PCDHGA4: variants seen among roughly 807,000 people sequenced by gnomAD.
PCDHGA4 encodes protocadherin gamma-A4.
PCDHGA4 carries 38 observed loss-of-function variants against 54.6 expected under a neutral mutation model. That is an observed-to-expected ratio of 0.70 (90% CI 0.54 to 0.91). The LOEUF (loss-of-function observed/expected upper bound fraction) is 0.91, where lower values mean the gene tolerates loss of function less well. Ranked by LOEUF, PCDHGA4 falls within the 40% of genes least tolerant of loss-of-function variation. The probability of loss-of-function intolerance (pLI) is 0.00; values close to 1 mark genes in which losing one functional copy is unlikely to be tolerated. For missense variants in PCDHGA4, 1,298 were observed against 1,220.9 expected (o/e 1.06, Z -0.94); for synonymous variants, 511 against 512.9 (o/e 1.00, Z 0.05).
At chr5:141,399,376 AC>A (rs1398817003) in intron 1 of PCDHGA4, 1 of 1,613,956 alleles carries the variant, frequency 6.2e-7, no homozygotes, top group Non-Finnish European at 8.5e-7. Flanking sequence ...GTACAATGTC[AC>A]CATCACAGCC....
intron 2 of PCDHGA4, among the ~76,000 whole-genome samples, chr5:141,504,859 C>T (rs1396681670): frequency 6.6e-6 from 1 of 152,090 alleles, no homozygotes; most frequent in African/African-American, 2.4e-5. Context: ...TCTTCCATTT[C>T]CCACCTTCAC....
intron 1 of PCDHGA4, chr5:141,441,857 ACGCCGC>A (rs2098279969): frequency 2.8e-6 from 1 of 352,664 alleles, no homozygotes; most frequent in Non-Finnish European, 5.6e-6. Flanking sequence ...ATGGTGCTGC[ACGCCGC>A]GGAGCCTGGC....
rs1554116873 is a variant in PCDHGA4 at position 141,423,758 on chromosome 5, G to GT, written c.2514+66137_2514+66138insT. On this transcript the variant is annotated intron_variant, in intron 1 of 3. Coordinates refer to ENST00000571252, the MANE Select transcript of PCDHGA4 (RefSeq NM_018917.4). Reference sequence around the variant, plus strand: ...CTGTTATGAAAACTGTTTGGGGGGGGGGTGGGGCGGCATATATTTAGTTCA... The same window carrying GT: ...CTGTTATGAAAACTGTTTGGGGGGGGTGGTGGGGCGGCATATATTTAGTTCA... 14 of 366,842 alleles carry GT rather than the reference G, an allele frequency of 3.8e-5. 1 individual carries two copies. The highest frequency in any genetic ancestry group is 5.4e-5 in the Non-Finnish European group (14 of 259,742). The allele number at this position is 366,842 out of a possible 1,614,324, so 22.7% of individuals were successfully genotyped here. A position where few individuals can be genotyped will look rare whatever the true frequency, so the allele number is the denominator to read the frequency against.
chr5:141,417,644 AG>A, intron 1 of PCDHGA4: 1 of 779,202 alleles, frequency 1.3e-6, no homozygotes, highest in South Asian at 2.1e-5. Flanking sequence ...GGGATCCCTC[AG>A]CCTCTAGCCT....
chr5:141,393,498 C>T lies in PCDHGA4; in HGVS notation c.2514+35877C>T, dbSNP rs780199451. The T allele has an allele frequency of 3.1e-6, 5 of 1,613,952 alleles. No homozygotes were observed. The highest frequency in any genetic ancestry group is 1.6e-4 in the Middle Eastern group (1 of 6,084). ...GCCTCGCTCTAGCACAGTGCGCATC[C>T]ACGTGACAGTGTTGGATACAAATGA... On this transcript the variant is annotated intron_variant, in intron 1 of 3. Transcript: ENST00000571252.
At chr5:141,398,893 C>G in intron 1 of PCDHGA4, 1 of 1,613,962 alleles carries the variant, frequency 6.2e-7, no homozygotes, top group Admixed American at 1.7e-5. Flanking sequence ...GGAAAACGTG[C>G]CACCAGGCAC....
intron 1 of PCDHGA4, chr5:141,389,172 C>T: frequency 3.1e-6 from 5 of 1,614,036 alleles, no homozygotes; most frequent in Non-Finnish European, 4.2e-6. Context: ...CAAGCCTCCC[C>T]TCTCCTCCAG....
intron 1 of PCDHGA4, chr5:141,383,080 G>C: frequency 1.9e-6 from 3 of 1,613,930 alleles, no homozygotes; most frequent in Non-Finnish European, 2.5e-6. Context: ...GGAGCTGGCG[G>C]AGCGCGGAGT....
Position 141,409,702 on chromosome 5 carries a change from G to A in PCDHGA4, c.2514+52081G>A, listed in dbSNP as rs545411022. The A allele has an allele frequency of 2.0e-5, 32 of 1,613,226 alleles. No homozygotes were observed. In the South Asian group the frequency reaches 3.0e-4, roughly 15 times the overall value. On this transcript the variant is annotated intron_variant, in intron 1 of 3. Transcript: ENST00000571252. ...TGGCGAGTGACCTAGAGCCCCTGGC[G>A]GTGTCGTCATACGTGTCAGTGAGCG...
intron 1 of PCDHGA4, chr5:141,366,169 G>A (rs1281971399): frequency 6.2e-7 from 1 of 1,613,962 alleles, no homozygotes; most frequent in Non-Finnish European, 8.5e-7. Flanking sequence ...AGGCCAGCGA[G>A]CCAGGACTCT....
At chr5:141,508,664 T>C (rs1381178258) in intron 3 of PCDHGA4, among the ~76,000 whole-genome samples, 1 of 152,030 alleles carries the variant, frequency 6.6e-6, no homozygotes, top group Non-Finnish European at 1.5e-5. Context: ...TGTCATTCTG[T>C]CTCTGCCTCC....
At chr5:141,449,588 CA>C (rs768743917) in intron 1 of PCDHGA4, among the ~76,000 whole-genome samples, 1,277 of 57,494 alleles carry the variant, frequency 0.022, 7 homozygotes, top group Middle Eastern at 0.041. Flanking sequence ...GACTCTGTCT[CA>C]AAAAAAAAAA....
rs141514361 is a variant in PCDHGA4, at chr5:141,494,629, A to G, written c.2515-178A>G. 4,666 of 858,664 alleles carry G rather than the reference A, an allele frequency of 5.4e-3. 23 individuals are homozygous for G. Among genetic ancestry groups the G allele is most frequent in the Admixed American group, 0.011 (170 of 16,094 alleles). 53.2% of individuals were successfully genotyped at this position (858,664 alleles called of 1,614,324 possible). On this transcript the variant is annotated intron_variant, in intron 1 of 3. Coordinates refer to ENST00000571252, the MANE Select transcript of PCDHGA4 (RefSeq NM_018917.4). ...TATCTCTTGGTTTCTGGTACCTCAGACCTCTGAGACCTGAGGTGTATTTTG... is the reference window on the plus strand; with the variant it reads ...TATCTCTTGGTTTCTGGTACCTCAGGCCTCTGAGACCTGAGGTGTATTTTG...
At chr5:141,427,944 A>C (rs780874108) in intron 1 of PCDHGA4, 63 of 1,586,294 alleles carry the variant, frequency 4.0e-5, no homozygotes, top group Non-Finnish European at 8.6e-6. Context: ...GGGCGACCTC[A>C]ATGACAATGT....
intron 1 of PCDHGA4, chr5:141,419,126 G>A: frequency 6.2e-7 from 1 of 1,613,770 alleles, no homozygotes; most frequent in Non-Finnish European, 8.5e-7. Context: ...CGTCACCATC[G>A]CAGCCACAGA....
At chr5:141,448,069 T>C (rs1184496754) in intron 1 of PCDHGA4, among the ~76,000 whole-genome samples, 1 of 151,202 alleles carries the variant, frequency 6.6e-6, no homozygotes, top group Non-Finnish European at 1.5e-5. Context: ...CTGGGCAACA[T>C]GAACGAAATG....
chr5:141,491,507 C>A lies in PCDHGA4; in HGVS notation c.2515-3300C>A, dbSNP rs755899622. 1.9e-6 allele frequency: 3 copies of A among 1,614,038 alleles called. No individual in the cohort carries two copies. The highest frequency in any genetic ancestry group is 1.6e-4 in the Middle Eastern group (1 of 6,062). Reference sequence around the variant, plus strand: ...AACCTGCAGGTGAGCTCGGACGGCACGCTCAAGTACATGGAGGTGACGCTG... The same window carrying A: ...AACCTGCAGGTGAGCTCGGACGGCAAGCTCAAGTACATGGAGGTGACGCTG... On this transcript the variant is annotated intron_variant, in intron 1 of 3. Transcript: ENST00000571252. The surrounding 1 kb of genome is among the most constrained non-coding windows in gnomAD (Gnocchi z 6.9).
intron 1 of PCDHGA4, chr5:141,412,602 T>G (rs1239898248): frequency 6.6e-6 from 1 of 152,188 alleles, no homozygotes; most frequent in African/African-American, 2.4e-5. Flanking sequence ...CTAAATAAAA[T>G]TGGCCTATTC....
rs375307919 is a variant in PCDHGA4, at chr5:141,371,297, C to T, written c.2514+13676C>T. ...AGCTGGACAGTAAAACGGGGGAACT[C>T]ACCACTATTGGAGAACTGGACTTTG... On this transcript the variant is annotated intron_variant, in intron 1 of 3. Coordinates refer to ENST00000571252, the MANE Select transcript of PCDHGA4 (RefSeq NM_018917.4). 11 of 1,613,878 alleles carry T rather than the reference C, an allele frequency of 6.8e-6. No individual in the cohort carries two copies. The African/African-American group carries it at 1.5e-4, about 22-fold the overall frequency.
Sources: gnomAD v4.1 joint callset for allele counts (sites outside exome capture counted in the v4.1 genomes callset) on GRCh38, gnomAD v4.1.1 for gene constraint, Gnocchi (gnomAD v3.1) non-coding constraint, MANE v1.5 for transcripts, NCBI Gene and HGNC (gene_info 2026-07-23, HGNC 2026-07-21) for gene names.